TBC1D16: variants seen among roughly 807,000 people sequenced by gnomAD.
The protein encoded by TBC1D16 is TBC1 domain family member 16, also known as CTD-2529O21.1.
TBC1D16 carries 58 observed loss-of-function variants against 74.7 expected under a neutral mutation model. That is an observed-to-expected ratio of 0.78 (90% confidence interval 0.63 to 0.97). The LOEUF (loss-of-function observed/expected upper bound fraction) is 0.97, where lower values mean the gene tolerates loss of function less well. TBC1D16 is among the 50% of genes least tolerant of loss of function. The probability of loss-of-function intolerance (pLI) is 0.00; values close to 1 mark genes in which losing one functional copy is unlikely to be tolerated. For synonymous variants in TBC1D16, 493 were observed against 474.7 expected, an observed-to-expected ratio of 1.04 and a Z score of -0.50; for missense variants, 1,014 against 1,079.5, an observed-to-expected ratio of 0.94 and a Z score of 0.85.
chr17:80,010,340 C>T lies in TBC1D16; in HGVS notation c.599G>A (p.Arg200Gln), dbSNP rs1239821391. 13 of 1,611,574 alleles carry T rather than the reference C, an allele frequency of 8.1e-6. No individual in the cohort carries two copies. Among genetic ancestry groups the T allele is most frequent in the Non-Finnish European group, 1.0e-5 (12 of 1,179,030 alleles). ...CTCCCCGGCCTCGGGCCGCGGCTCC[C>T]GCCCCTCCTCGGTGACATCCTGCGG... ...VSPQDVTEEG[R>Q]EPRPEAGEED... Residue 200 changes from arginine (R) to glutamine (Q), a missense_variant, in exon 3 of 12, where the codon CGG becomes CAG. Transcript: ENST00000310924. This position sits in a 1 kb window ranked among gnomAD's most constrained non-coding sequence, Gnocchi z 8.8.
intron 3 of TBC1D16, among the ~76,000 whole-genome samples, chr17:79,978,521 CT>C (rs1431586347): frequency 6.6e-6 from 1 of 152,234 alleles, no homozygotes; most frequent in Non-Finnish European, 1.5e-5. Flanking sequence ...TGTACCAGGC[CT>C]TTGAGTGCTG....
rs903948927 is a variant in TBC1D16, at chr17:79,939,549, G to A, written c.*1310C>T. The A allele has an allele frequency of 6.6e-6, 1 of 152,224 alleles. No homozygotes were observed. Among genetic ancestry groups the A allele is most frequent in the African/African-American group, 2.4e-5 (1 of 41,446 alleles). The allele number at this position is 152,224 out of a possible 1,614,324, so 9.4% of individuals were successfully genotyped here. On this transcript the variant is annotated 3_prime_UTR_variant, in exon 12 of 12. Transcript: ENST00000310924. ...TTCTCCCCAGAAGGACGCGATGGAG[G>A]ATTTCAGGAGGGATTTGGTCTCCTC...
chr17:80,014,483 G>A (rs2036018660), intron 1 of TBC1D16, among the ~76,000 whole-genome samples: 1 of 152,150 alleles, frequency 6.6e-6, no homozygotes, highest in Non-Finnish European at 1.5e-5. Flanking sequence ...CTCCACACAA[G>A]AGGAAAACCA....
rs770701041 is a variant in TBC1D16, at chr17:79,985,475, G to A, written c.779+24685C>T. 1.3e-4 allele frequency among the ~76,000 whole-genome samples: 20 copies of A among 152,206 alleles called. No homozygotes were observed. Among genetic ancestry groups the A allele is most frequent in the Non-Finnish European group, 2.8e-4 (19 of 68,038 alleles). On this transcript the variant is annotated intron_variant, in intron 3 of 11. Coordinates refer to ENST00000310924, the MANE Select transcript of TBC1D16 (RefSeq NM_019020.4). The surrounding 1 kb of genome is among the most constrained non-coding windows in gnomAD (Gnocchi z 4.9). ...TTTTTTTGGACAGGGAAGCTCGGCT[G>A]TGGGTGCGAAGCAGGACTGCCCCCC... is the stretch of plus-strand genomic sequence containing the variant.
intron 3 of TBC1D16, among the ~76,000 whole-genome samples, chr17:79,967,510 T>C (rs1320981047): frequency 6.6e-6 from 1 of 152,086 alleles, no homozygotes; most frequent in Non-Finnish European, 1.5e-5. Context: ...AAAAATAAAA[T>C]TAATAAAACA....
intron 1 of TBC1D16, chr17:80,026,015 G>C (rs1234064556): frequency 2.0e-5 from 3 of 150,086 alleles, no homozygotes; most frequent in African/African-American, 5.1e-5. Context: ...CGGATGTTGA[G>C]AGCAGCTTTA....
chr17:79,978,313 T>C (rs2034426202), intron 3 of TBC1D16, among the ~76,000 whole-genome samples: 1 of 152,250 alleles, frequency 6.6e-6, no homozygotes. Context: ...ACTCTGCCGA[T>C]CTGCAACATC....
chr17:80,023,277 C>T (rs1300879295), intron 1 of TBC1D16, among the ~76,000 whole-genome samples: 3 of 150,118 alleles, frequency 2.0e-5, no homozygotes, highest in African/African-American at 5.1e-5. Context: ...AGCCCAGCTG[C>T]TCCCCTCCCC....
Position 79,981,833 on chromosome 17 carries a change from G to A in TBC1D16, c.779+28327C>T, listed in dbSNP as rs2034595642. Among the ~76,000 whole-genome samples the A allele has an allele frequency of 6.6e-6, 1 of 152,192 alleles. No homozygotes were observed. Among genetic ancestry groups the A allele is most frequent in the African/African-American group, 2.4e-5 (1 of 41,460 alleles). The stretch of plus-strand genomic sequence containing the variant: ...CATCCGTCCCTGCAGCAGCAGCCTC[G>A]GCCCAACCTCAATCCCACTCCTCCA... On this transcript the variant is annotated intron_variant, in intron 3 of 11. Transcript: ENST00000310924. This position sits in a 1 kb window ranked among gnomAD's most constrained non-coding sequence, Gnocchi z 6.9.
In TBC1D16 at chr17:79,944,809, G is replaced by C; in HGVS notation, c.1908+99C>G. Reference sequence around the variant, plus strand: ...GGGGGGCTAATGTGTGGCTGTGGGTGGGGGGCGGCGAGGCGGACAGGGGCA... The same window carrying C: ...GGGGGGCTAATGTGTGGCTGTGGGTCGGGGGCGGCGAGGCGGACAGGGGCA... On this transcript the variant is annotated intron_variant, in intron 10 of 11. Coordinates refer to ENST00000310924, the MANE Select transcript of TBC1D16 (RefSeq NM_019020.4). This position sits in a 1 kb window ranked among gnomAD's most constrained non-coding sequence, Gnocchi z 7.7. The C allele has an allele frequency of 1.8e-6, 2 of 1,123,242 alleles. No individual in the cohort carries two copies. Among genetic ancestry groups the C allele is most frequent in the Non-Finnish European group, 2.5e-6 (2 of 809,788 alleles). The allele number at this position is 1,123,242 out of a possible 1,614,324, so 69.6% of individuals were successfully genotyped here. A position where few individuals can be genotyped will look rare whatever the true frequency, so the allele number is the denominator to read the frequency against.
chr17:79,959,627 T>C (rs992019799), intron 3 of TBC1D16, among the ~76,000 whole-genome samples: 2 of 152,190 alleles, frequency 1.3e-5, no homozygotes, highest in African/African-American at 4.8e-5. Context: ...AAGGATGGCT[T>C]TTCAATAAAC....
chr17:79,976,268 CA>C (rs2034325956), intron 3 of TBC1D16, among the ~76,000 whole-genome samples: 2 of 152,220 alleles, frequency 1.3e-5, no homozygotes, highest in Admixed American at 1.3e-4. Flanking sequence ...CCGGCCCCTG[CA>C]CTGTCCCAGG....
rs1227607581 is a variant in TBC1D16 at position 80,007,855 on chromosome 17, G to A, written c.779+2305C>T. ...CAGCATCGCTCAGCAGGGCCAGATG[G>A]TGATGGGCCTTGGACCCCGAGTGAA... is the stretch of plus-strand genomic sequence containing the variant. On this transcript the variant is annotated intron_variant, in intron 3 of 11. Coordinates refer to ENST00000310924, the MANE Select transcript of TBC1D16 (RefSeq NM_019020.4). The surrounding 1 kb of genome is among the most constrained non-coding windows in gnomAD (Gnocchi z 4.5). Among the ~76,000 whole-genome samples, 1 of 152,124 alleles carries A rather than the reference G, an allele frequency of 6.6e-6. No individual in the cohort carries two copies. Among genetic ancestry groups the A allele is most frequent in the Non-Finnish European group, 1.5e-5 (1 of 68,002 alleles).
Position 80,027,418 on chromosome 17 carries a change from G to A in TBC1D16, c.-63+8377C>T, listed in dbSNP as rs567851691. ...TCGAGATCAGCCTGGGGGACATGGA[G>A]AAACCTTGTCTCTACAAAAAAACTT... On this transcript the variant is annotated intron_variant, in intron 1 of 11. Transcript: ENST00000310924. Among the ~76,000 whole-genome samples, 13 of 152,234 alleles carry A rather than the reference G, an allele frequency of 8.5e-5. No homozygotes were observed. The East Asian group carries it at 2.1e-3, about 25-fold the overall frequency.
chr17:79,952,771 C>T lies in TBC1D16; in HGVS notation c.827G>A (p.Gly276Asp). The change falls in exon 4 of 12, where the codon GGC becomes GAC. Residue 276 changes from glycine to aspartate, a missense_variant. Coordinates refer to ENST00000310924, the MANE Select transcript of TBC1D16 (RefSeq NM_019020.4). Reference sequence around the variant, plus strand: ...GTCCCAGCGTGGGGTCTGCAGGAGGCCGTTGCTGTCCGGGAACCGCAGGCC... The same window carrying T: ...GTCCCAGCGTGGGGTCTGCAGGAGGTCGTTGCTGTCCGGGAACCGCAGGCC... ...DAGLRFPDSN[G>D]LLQTPRWDEP... The T allele has an allele frequency of 6.2e-7, 1 of 1,611,868 alleles. No individual in the cohort carries two copies. Among genetic ancestry groups the T allele is most frequent in the Non-Finnish European group, 8.5e-7 (1 of 1,179,236 alleles).
intron 1 of TBC1D16, among the ~76,000 whole-genome samples, chr17:80,033,017 C>T (rs1431465425): frequency 6.6e-6 from 1 of 152,198 alleles, no homozygotes; most frequent in Non-Finnish European, 1.5e-5. Flanking sequence ...TAAGGGTACA[C>T]ATACGCACAA....
chr17:79,941,961 G>A lies in TBC1D16; in HGVS notation c.2055+99C>T. On this transcript the variant is annotated intron_variant, in intron 11 of 11. Transcript: ENST00000310924. This position sits in a 1 kb window ranked among gnomAD's most constrained non-coding sequence, Gnocchi z 4.3. ...GGTGGGGATGGGGCTCTGGGGGCGGGGCCCACATCTGGGGCAGCCTCACCT... is the reference window on the plus strand; with the variant it reads ...GGTGGGGATGGGGCTCTGGGGGCGGAGCCCACATCTGGGGCAGCCTCACCT... 8.5e-7 allele frequency: 1 copy of A among 1,174,362 alleles called. No individual in the cohort carries two copies. Among genetic ancestry groups the A allele is most frequent in the South Asian group, 1.5e-5 (1 of 67,568 alleles). The allele number at this position is 1,174,362 out of a possible 1,614,324, so 72.7% of individuals were successfully genotyped here.
At chr17:79,999,611 C>T (rs964230659) in intron 3 of TBC1D16, among the ~76,000 whole-genome samples, 12 of 115,656 alleles carry the variant, frequency 1.0e-4, no homozygotes, top group African/African-American at 2.9e-4. Context: ...GGCGTGATCT[C>T]GGCTCACTGC....
At chr17:79,972,321 C>T (rs979700701) in intron 3 of TBC1D16, among the ~76,000 whole-genome samples, 6 of 152,088 alleles carry the variant, frequency 3.9e-5, no homozygotes, top group Admixed American at 2.6e-4. Context: ...GGATCACAGG[C>T]GTGTACTACC....
Sources: allele counts gnomAD v4.1 joint callset (sites outside exome capture counted in the v4.1 genomes callset), GRCh38; gene constraint gnomAD v4.1.1; non-coding constraint Gnocchi (gnomAD v3.1); transcripts MANE v1.5; gene names NCBI Gene and HGNC (gene_info 2026-07-23, HGNC 2026-07-21).